The following FBXW10B variants were observed in gnomAD, a reference collection of about 807,000 sequenced individuals.
FBXW10B encodes the protein F-box and WD repeat domain containing protein 10B.
chr17:15,574,147 G>A, the FBXW10B span: 16 of 751,410 alleles, frequency 2.1e-5, no homozygotes, highest in Non-Finnish European at 3.7e-5. Context: ...TTCCTTGAGA[G>A]TGTGCCAAGC....
the FBXW10B span, chr17:15,571,481 C>T: frequency 6.6e-6 from 1 of 152,308 alleles, no homozygotes; most frequent in East Asian, 1.9e-4. Flanking sequence ...GATACCACTA[C>T]ACGCCTATTA....
the FBXW10B span, among the ~76,000 whole-genome samples, chr17:15,618,067 C>T: frequency 3.9e-5 from 6 of 152,296 alleles, no homozygotes; most frequent in South Asian, 2.1e-4. Flanking sequence ...CAGTGGCTCA[C>T]GCCTGTAATC....
At chr17:15,607,748 C>T in the FBXW10B span, 3 of 1,436,072 alleles carry the variant, frequency 2.1e-6, no homozygotes, top group Non-Finnish European at 2.9e-6. Context: ...TCCCAGAGCC[C>T]CTAGGGTCTC....
the FBXW10B span, among the ~76,000 whole-genome samples, chr17:15,596,060 T>G: frequency 6.6e-6 from 1 of 151,536 alleles, no homozygotes; most frequent in African/African-American, 2.4e-5. Context: ...TTGTATTTTC[T>G]TTTTTTTAGT....
the FBXW10B span, chr17:15,618,965 G>A: frequency 6.3e-7 from 1 of 1,594,414 alleles, no homozygotes; most frequent in African/African-American, 1.3e-5. Flanking sequence ...CTTGCCTTCT[G>A]GTCTTCGGGG....
chr17:15,578,568 G>A, the FBXW10B span, among the ~76,000 whole-genome samples: 3 of 152,152 alleles, frequency 2.0e-5, no homozygotes, highest in African/African-American at 4.8e-5. Context: ...TCAGGAGAAA[G>A]GAAAGGTATG....
the FBXW10B span, chr17:15,588,661 G>A: frequency 1.7e-6 from 1 of 591,188 alleles, no homozygotes; most frequent in East Asian, 2.9e-5. Context: ...AGCAGCCAGA[G>A]CTCCCACAAA....
the FBXW10B span, among the ~76,000 whole-genome samples, chr17:15,613,108 G>GA: frequency 3.0e-4 from 46 of 150,946 alleles, no homozygotes; most frequent in African/African-American, 1.1e-3. Flanking sequence ...TCTCTGCTGG[G>GA]GAAAAAAAAA....
the FBXW10B span, chr17:15,565,529 T>A: frequency 6.2e-7 from 1 of 1,612,550 alleles, no homozygotes. Flanking sequence ...TTCCCAAGGC[T>A]GGTTTAGATA....
At chr17:15,570,739 A>G in the FBXW10B span, among the ~76,000 whole-genome samples, 8 of 152,404 alleles carry the variant, frequency 5.2e-5, no homozygotes, top group Non-Finnish European at 1.2e-4. Flanking sequence ...TAGCAAGGGT[A>G]TAGAATACAA....
the FBXW10B span, among the ~76,000 whole-genome samples, chr17:15,597,636 A>T: frequency 6.6e-6 from 1 of 152,128 alleles, no homozygotes; most frequent in Non-Finnish European, 1.5e-5. Flanking sequence ...CATCTCAAAA[A>T]AAAATAAAAA....
At chr17:15,565,562 G>C in the FBXW10B span, 2 of 1,613,718 alleles carry the variant, frequency 1.2e-6, no homozygotes, top group African/African-American at 2.7e-5. Flanking sequence ...CCAAGTTCAG[G>C]GGCCGCTGTT....
At chr17:15,617,708 C>T in the FBXW10B span, among the ~76,000 whole-genome samples, 6 of 152,170 alleles carry the variant, frequency 3.9e-5, no homozygotes, top group African/African-American at 1.2e-4. Flanking sequence ...TCTTGCCTCA[C>T]GATACGTTGA....
chr17:15,613,711 G>A, the FBXW10B span: 12 of 1,611,630 alleles, frequency 7.4e-6, no homozygotes, highest in Middle Eastern at 1.6e-4. Flanking sequence ...TCACAGAGGC[G>A]CACTTGTTCA....
the FBXW10B span, chr17:15,593,346 T>C: frequency 3.1e-6 from 5 of 1,614,068 alleles, no homozygotes; most frequent in African/African-American, 6.7e-5. Context: ...CCTGTTGCCC[T>C]GAATAAAGAA....
chr17:15,619,204 C>G, the FBXW10B span: 1 of 1,614,000 alleles, frequency 6.2e-7, no homozygotes, highest in Non-Finnish European at 8.5e-7. Context: ...TCAAGGAGGA[C>G]TTCACAACTT....
chr17:15,603,865 G>A, the FBXW10B span, among the ~76,000 whole-genome samples: 2 of 148,322 alleles, frequency 1.3e-5, no homozygotes, highest in African/African-American at 2.5e-5. Flanking sequence ...GAGGTCAGGA[G>A]ATCGAGACCA....
chr17:15,611,023 C>CTTT, the FBXW10B span, among the ~76,000 whole-genome samples: 1 of 128,532 alleles, frequency 7.8e-6, no homozygotes, highest in African/African-American at 3.0e-5. Context: ...AATGTGTTTT[C>CTTT]TTTTTTTTTT....
the FBXW10B span, among the ~76,000 whole-genome samples, chr17:15,589,950 T>C: frequency 6.6e-6 from 1 of 152,216 alleles, no homozygotes; most frequent in Non-Finnish European, 1.5e-5. Context: ...CAGATTTTAA[T>C]GAATCTACAA....
Sources: gnomAD v4.1 joint callset for allele counts (sites outside exome capture counted in the v4.1 genomes callset) on GRCh38, gnomAD v4.1.1 for gene constraint, MANE v1.5 for transcripts, NCBI Gene and HGNC (gene_info 2026-07-23, HGNC 2026-07-21) for gene names.